Variants in CNTN5 observed in about 807,000 individuals in gnomAD.
CNTN5 encodes the protein contactin-5.
Under a neutral mutation model 129.1 loss-of-function variants are expected in CNTN5, and 77 were observed. The ratio of observed to expected loss-of-function variants is 0.60; its 90% CI spans 0.50 to 0.72. The LOEUF (loss-of-function observed/expected upper bound fraction) is 0.72, where lower values mean the gene tolerates loss of function less well. Among genes scored for constraint, CNTN5 ranks in the 30% least tolerant of loss-of-function variants. The pLI is 0.00. For missense variants in CNTN5, 1,478 were observed against 1,328.8 expected, an observed-to-expected ratio of 1.11 and a Z score of -1.75; for synonymous variants, 509 against 465.6, an observed-to-expected ratio of 1.09 and a Z score of -1.20.
intron 1 of CNTN5, among the ~76,000 whole-genome samples, chr11:99,026,687 TAAAC>T (rs1863120446): frequency 6.6e-6 from 1 of 151,616 alleles, no homozygotes. Flanking sequence ...CTACTCATAA[TAAAC>T]AAAGTTTCTT....
chr11:100,092,217 T>G (rs1944815919), intron 13 of CNTN5, among the ~76,000 whole-genome samples: 1 of 152,148 alleles, frequency 6.6e-6, no homozygotes, highest in African/African-American at 2.4e-5. Context: ...AAGCTTGTTT[T>G]CTACTAGTTT....
At chr11:100,102,495 C>G (rs183856628) in intron 13 of CNTN5, among the ~76,000 whole-genome samples, 1 of 151,866 alleles carries the variant, frequency 6.6e-6, no homozygotes. Flanking sequence ...AATGTAGAGC[C>G]TTTGGAATAA....
intron 1 of CNTN5, among the ~76,000 whole-genome samples, chr11:99,273,921 A>T (rs183477711): frequency 6.6e-6 from 1 of 151,718 alleles, no homozygotes; most frequent in Non-Finnish European, 1.5e-5. Flanking sequence ...CTTTTAGGGA[A>T]GAAAAAGATA....
intron 3 of CNTN5, among the ~76,000 whole-genome samples, chr11:99,782,307 A>T (rs2135392266): frequency 6.8e-6 from 1 of 147,574 alleles, no homozygotes; most frequent in Non-Finnish European, 1.5e-5. Flanking sequence ...ACTACAAACC[A>T]CTGCTCAAGG....
intron 3 of CNTN5, among the ~76,000 whole-genome samples, chr11:99,707,455 A>G (rs973731486): frequency 2.6e-5 from 4 of 151,744 alleles, no homozygotes; most frequent in Non-Finnish European, 5.9e-5. Flanking sequence ...AAGCTCCTGA[A>G]TAGCCTACAC....
chr11:99,597,084 G>A (rs958844472), intron 3 of CNTN5, among the ~76,000 whole-genome samples: 5 of 152,098 alleles, frequency 3.3e-5, no homozygotes, highest in African/African-American at 1.2e-4. Context: ...TTCTTGATGC[G>A]TTAGAGTTAG....
chr11:99,476,117 G>C (rs1032411218), intron 2 of CNTN5, among the ~76,000 whole-genome samples: 5 of 151,496 alleles, frequency 3.3e-5, no homozygotes, highest in Admixed American at 6.6e-5. Flanking sequence ...TGAATTTGTT[G>C]TCATTCATGT....
At chr11:99,067,474 A>G (rs557699661) in intron 1 of CNTN5, among the ~76,000 whole-genome samples, 1 of 151,934 alleles carries the variant, frequency 6.6e-6, no homozygotes, top group South Asian at 2.1e-4. Flanking sequence ...GAGAGTAGGA[A>G]GAATGGCTGA....
At chr11:99,162,573 AATTTT>A (rs1860669350) in intron 1 of CNTN5, among the ~76,000 whole-genome samples, 1 of 152,200 alleles carries the variant, frequency 6.6e-6, no homozygotes, top group Non-Finnish European at 1.5e-5. Flanking sequence ...ATATTTATGA[AATTTT>A]CTCAGTACAA....
chr11:99,107,215 C>T (rs1314664533), intron 1 of CNTN5, among the ~76,000 whole-genome samples: 2 of 152,090 alleles, frequency 1.3e-5, no homozygotes, highest in Non-Finnish European at 2.9e-5. Context: ...ATGTTACAAC[C>T]TTGTTTAACA....
At chr11:100,180,633 T>C (rs1948111033) in intron 13 of CNTN5, among the ~76,000 whole-genome samples, 1 of 151,982 alleles carries the variant, frequency 6.6e-6, no homozygotes, top group African/African-American at 2.4e-5. Context: ...TTGGTACTTA[T>C]CAATCAAAAT....
At chr11:99,395,930 GT>G (rs1941499892) in intron 2 of CNTN5, among the ~76,000 whole-genome samples, 1 of 151,944 alleles carries the variant, frequency 6.6e-6, no homozygotes, top group African/African-American at 2.4e-5. Context: ...GTACCATGCT[GT>G]TTTGGTTAAT....
chr11:100,319,597 ACT>A (rs1304610628), intron 21 of CNTN5, among the ~76,000 whole-genome samples: 1 of 152,128 alleles, frequency 6.6e-6, no homozygotes, highest in African/African-American at 2.4e-5. Flanking sequence ...GAGAAAATCC[ACT>A]CTCAGCATTT....
intron 15 of CNTN5, among the ~76,000 whole-genome samples, chr11:100,223,472 T>C (rs1376807125): frequency 2.0e-5 from 3 of 152,216 alleles, no homozygotes; most frequent in Admixed American, 2.0e-4. Flanking sequence ...ATTCAAAAGA[T>C]ATCTGGAAAT....
At chr11:100,089,184 GT>G (rs1290746786) in intron 13 of CNTN5, among the ~76,000 whole-genome samples, 3 of 151,926 alleles carry the variant, frequency 2.0e-5, no homozygotes, top group African/African-American at 7.2e-5. Context: ...GGGGTTGTTT[GT>G]TTTTTTCTTG....
intron 3 of CNTN5, among the ~76,000 whole-genome samples, chr11:99,711,321 T>G (rs1458636049): frequency 6.6e-6 from 1 of 151,882 alleles, no homozygotes; most frequent in Non-Finnish European, 1.5e-5. Flanking sequence ...AGTGGTGATG[T>G]TTTTGGTGAT....
intron 13 of CNTN5, among the ~76,000 whole-genome samples, chr11:100,109,892 A>G (rs1468159395): frequency 1.3e-5 from 2 of 152,144 alleles, no homozygotes; most frequent in Admixed American, 1.3e-4. Context: ...AGAAAGGCAA[A>G]ACATAGCCAT....
chr11:99,379,736 C>T (rs972809249), intron 2 of CNTN5, among the ~76,000 whole-genome samples: 2 of 152,036 alleles, frequency 1.3e-5, no homozygotes, highest in Non-Finnish European at 1.5e-5. Context: ...GCTCATGGCC[C>T]CTCCAGTGGG....
chr11:99,158,330 A>C (rs1282614675), intron 1 of CNTN5, among the ~76,000 whole-genome samples: 4 of 152,118 alleles, frequency 2.6e-5, no homozygotes, highest in Non-Finnish European at 5.9e-5. Context: ...ATGTGCATGA[A>C]ATGTTCGTGT....
Sources: allele counts gnomAD v4.1 joint callset (sites outside exome capture counted in the v4.1 genomes callset), GRCh38; gene constraint gnomAD v4.1.1; transcripts MANE v1.5; gene names NCBI Gene and HGNC (gene_info 2026-07-23, HGNC 2026-07-21).